The following ANK1 variants were observed in gnomAD, a reference collection of about 807,000 sequenced individuals.
ANK1 encodes the protein ankyrin 1.
In ANK1, 51 loss-of-function variants were observed where a neutral mutation model predicts 210.4. That is an observed-to-expected ratio of 0.24 (90% confidence interval 0.19 to 0.31). ANK1 has a LOEUF of 0.31. Among genes scored for constraint, ANK1 ranks in the 10% least tolerant of loss-of-function variants. The pLI, the probability that ANK1 is intolerant of heterozygous loss-of-function variation, is 1.00. For synonymous variants in ANK1, 967 were observed against 1,025.9 expected, an observed-to-expected ratio of 0.94 and a Z score of 1.10; for missense variants, 2,051 against 2,504.4, an observed-to-expected ratio of 0.82 and a Z score of 3.86.
rs1443920582 is a variant in ANK1, at chr8:41,724,570, G to A, written c.613-16C>T. 4 of 1,569,386 alleles carry A rather than the reference G, an allele frequency of 2.5e-6. No individual in the cohort carries two copies. Among genetic ancestry groups the A allele is most frequent in the Admixed American group, 1.9e-5 (1 of 53,718 alleles). On this transcript the variant is annotated splice_polypyrimidine_tract_variant and intron_variant, in intron 6 of 42. Coordinates refer to ENST00000289734, the MANE Select transcript of ANK1 (RefSeq NM_000037.4). ...TGAATCCCGTCTGGGGCACAACAGAGGGGGAGAAACTTGTTATATGTGATT... is the reference window on the plus strand; with the variant it reads ...TGAATCCCGTCTGGGGCACAACAGAAGGGGAGAAACTTGTTATATGTGATT...
intron 37 of ANK1, 26 bp from the exon 38 acceptor site, chr8:41,672,938 T>C (rs1345356497): frequency 2.5e-6 from 4 of 1,580,104 alleles, no homozygotes; most frequent in Non-Finnish European, 3.4e-6. Flanking sequence ...GAGGGCAACA[T>C]GCTCCAGCAG....
chr8:41,806,251 G>A (rs1286549501), intron 1 of ANK1, among the ~76,000 whole-genome samples: 1 of 152,192 alleles, frequency 6.6e-6, no homozygotes, highest in Non-Finnish European at 1.5e-5. Flanking sequence ...CAAGAACTCA[G>A]TGAGTGGTGG....
At position 41,797,475 on chromosome 8, in the gene ANK1, A is replaced by T. The variant is rs1260764248; in HGVS notation, c.27+37T>A. On this transcript the variant is annotated intron_variant, in intron 1 of 42. Transcript: ENST00000289734. This position sits in a 1 kb window ranked among gnomAD's most constrained non-coding sequence, Gnocchi z 4.0. ...GCGGCCTGGGTGGCCCCCTCCTGAC[A>T]TCTCCCCGTCCACCCGAGCAGCCGC... The T allele has an allele frequency of 1.3e-6, 2 of 1,599,274 alleles. No homozygotes were observed. The highest frequency in any genetic ancestry group is 1.7e-6 in the Non-Finnish European group (2 of 1,168,650).
At position 41,834,319 on chromosome 8, in the gene ANK1, A is replaced by C. The variant is rs377087260; in HGVS notation, c.126+62036T>G. Among the ~76,000 whole-genome samples, 210 of 152,338 alleles carry C rather than the reference A, an allele frequency of 1.4e-3. 2 individuals carry two copies. The highest frequency in any genetic ancestry group is 4.9e-3 in the African/African-American group (203 of 41,586). On this transcript the variant is annotated intron_variant, in intron 1 of 42. Coordinates refer to the ANK1 transcript ENST00000265709. ...CCAGCAGACTCGGGAGAATAACAGG[A>C]TGTGGGAGGTGAGGAAGAGGCAGGA...
intron 1 of ANK1, among the ~76,000 whole-genome samples, chr8:41,893,592 G>A (rs1170147598): frequency 6.6e-6 from 1 of 152,214 alleles, no homozygotes; most frequent in African/African-American, 2.4e-5. Context: ...TTCTACAAAC[G>A]GGAGGGATGC....
At chr8:41,896,589 C>CAG in exon 1 of ANK1, 1 of 1,363,870 alleles carries the variant, frequency 7.3e-7, no homozygotes, top group Non-Finnish European at 9.5e-7. Flanking sequence ...ACAGAGGGGA[C>CAG]AGCGTTCGTG....
intron 2 of ANK1, among the ~76,000 whole-genome samples, chr8:41,752,161 T>A (rs1422396856): frequency 6.6e-6 from 1 of 152,162 alleles, no homozygotes; most frequent in Non-Finnish European, 1.5e-5. Context: ...TTGACCTTCC[T>A]CCTCCCCAGT....
intron 2 of ANK1, among the ~76,000 whole-genome samples, chr8:41,745,046 AAG>A (rs1432681724): frequency 2.0e-5 from 3 of 151,070 alleles, no homozygotes; most frequent in African/African-American, 4.9e-5. Context: ...GAACCAGAGA[AAG>A]AGAGACAGAA....
intron 2 of ANK1, among the ~76,000 whole-genome samples, chr8:41,751,127 C>A (rs1837608567): frequency 6.6e-6 from 1 of 152,056 alleles, no homozygotes; most frequent in African/African-American, 2.4e-5. Context: ...TTACTTCATC[C>A]CAGAAAGTAT....
chr8:41,723,475 G>A, intron 8 of ANK1, 60 bp downstream of exon 8: 1 of 1,582,880 alleles, frequency 6.3e-7, no homozygotes, highest in Non-Finnish European at 8.7e-7. Flanking sequence ...TGCTCTGGGT[G>A]AGGCTTGTGA....
At position 41,710,315 on chromosome 8, in the gene ANK1, C is replaced by T. The variant is rs1825790856; in HGVS notation, c.1801-1340G>A. On this transcript the variant is annotated intron_variant, in intron 16 of 42. Transcript: ENST00000289734. ...TTATCCTATTGTGTGGAGAAAGAGG[C>T]CAATTCTCTGTAAGGTTAAGCACCT... Among the ~76,000 whole-genome samples the T allele has an allele frequency of 4.6e-5, 7 of 152,146 alleles. No homozygotes were observed. The South Asian group carries it at 1.4e-3, about 32-fold the overall frequency.
chr8:41,703,448 A>ATTTTTTT (rs1198353842), intron 20 of ANK1, among the ~76,000 whole-genome samples: 10 of 60,184 alleles, frequency 1.7e-4, no homozygotes, highest in African/African-American at 6.9e-4. Flanking sequence ...ATATATATAT[A>ATTTTTTT]TATTTTTTTT....
Position 41,797,516 on chromosome 8 carries a change from C to A in ANK1, c.23G>T (p.Arg8Leu), listed in dbSNP as rs1848990441. 1 of 1,613,608 alleles carries A rather than the reference C, an allele frequency of 6.2e-7. No individual in the cohort carries two copies. Among genetic ancestry groups the A allele is most frequent in the South Asian group, 1.1e-5 (1 of 91,040 alleles). The change falls in exon 1 of 43, where the codon CGC (arginine) becomes CTC (leucine). Residue 8 changes from arginine to leucine, a missense_variant. This residue lies in a region of ANK1 where 21 missense variants were observed against 18.7 expected (regional missense o/e 1.12). Coordinates refer to ENST00000289734, the MANE Select transcript of ANK1 (RefSeq NM_000037.4). The surrounding 1 kb of genome is among the most constrained non-coding windows in gnomAD (Gnocchi z 4.0). ...GAGCAGCCGCCCAGTACTCACTTCG[C>A]GGAAGCCCACAGAATAGGGCATGCC... MPYSVGF[R>L]EADAATSFLR...
chr8:41,707,940 T>A (rs1206415488), intron 17 of ANK1, among the ~76,000 whole-genome samples: 1 of 152,164 alleles, frequency 6.6e-6, no homozygotes, highest in African/African-American at 2.4e-5. Flanking sequence ...CATTGCATGG[T>A]TCCACGTATA....
intron 38 of ANK1, among the ~76,000 whole-genome samples, chr8:41,670,750 G>C (rs1812013509): frequency 6.6e-6 from 1 of 152,212 alleles, no homozygotes; most frequent in Non-Finnish European, 1.5e-5. Context: ...GGTCACACAG[G>C]TGGGGAAAGG....
intron 37 of ANK1, 187 bp downstream of exon 37, chr8:41,684,357 C>A (rs1817039273): frequency 3.1e-6 from 3 of 953,576 alleles, no homozygotes; most frequent in Non-Finnish European, 4.9e-6. Context: ...ACAGGAGCAG[C>A]CATCTCTCTC....
chr8:41,848,947 C>T (rs754800466), intron 1 of ANK1, among the ~76,000 whole-genome samples: 14 of 152,312 alleles, frequency 9.2e-5, no homozygotes, highest in East Asian at 5.8e-4. Flanking sequence ...GCCCCTGGTG[C>T]GACCTGCCCC....
chr8:41,687,809 AC>A (rs1362523905), intron 35 of ANK1, among the ~76,000 whole-genome samples: 1 of 152,046 alleles, frequency 6.6e-6, no homozygotes, highest in African/African-American at 2.4e-5. Context: ...AATAAGATCT[AC>A]CCTGATGGTT....
chr8:41,838,767 A>AAATAAT (rs58514602), intron 1 of ANK1, among the ~76,000 whole-genome samples: 79 of 140,542 alleles, frequency 5.6e-4, no homozygotes, highest in East Asian at 2.4e-3. Flanking sequence ...TCCGTCTCAA[A>AAATAAT]AATAATAATA....
Sources: gnomAD v4.1 joint callset for allele counts (sites outside exome capture counted in the v4.1 genomes callset) on GRCh38, gnomAD v4.1.1 for gene constraint, gnomAD v4.1.1 regional missense constraint, Gnocchi (gnomAD v3.1) non-coding constraint, MANE v1.5 for transcripts, NCBI Gene and HGNC (gene_info 2026-07-23, HGNC 2026-07-21) for gene names.